NDE1: variants seen among roughly 807,000 people sequenced by gnomAD.
The protein encoded by NDE1 is nuclear distribution protein nudE homolog 1.
In NDE1, 28 loss-of-function variants were observed where a neutral mutation model predicts 43.4. That is an observed-to-expected ratio of 0.65 (90% CI 0.48 to 0.89). The LOEUF is 0.89. Ranked by LOEUF, NDE1 falls within the 40% of genes least tolerant of loss-of-function variation. The pLI is 0.00. For missense variants in NDE1, 441 were observed against 434.1 expected, an observed-to-expected ratio of 1.02 and a Z score of -0.14; for synonymous variants, 184 against 172.0, an observed-to-expected ratio of 1.07 and a Z score of -0.55.
chr16:15,687,647 G>A (rs531948569), intron 5 of NDE1, 136 bp downstream of exon 5: 2 of 872,756 alleles, frequency 2.3e-6, no homozygotes, highest in East Asian at 2.5e-5. Flanking sequence ...CTAATCAGAG[G>A]GTGTCGGACT....
chr16:15,714,505 G>C (rs1596693876), intron 8 of NDE1: 1 of 327,534 alleles, frequency 3.1e-6, no homozygotes, highest in South Asian at 3.2e-5. Context: ...CAGTGCTGAG[G>C]GGGAGAAAGG....
intron 8 of NDE1, chr16:15,704,248 A>C: frequency 9.4e-7 from 1 of 1,059,774 alleles, no homozygotes; most frequent in Non-Finnish European, 1.4e-6. Flanking sequence ...TTTATGGCAG[A>C]AAACACACAC....
intron 4 of NDE1, among the ~76,000 whole-genome samples, 160 bp downstream of exon 4, chr16:15,678,109 A>C (rs2037981460): frequency 6.6e-6 from 1 of 152,174 alleles, no homozygotes; most frequent in Admixed American, 6.6e-5. Flanking sequence ...GAAATGGACA[A>C]TAGTCGAAGA....
At chr16:15,703,690 G>T (rs2039303851) in intron 8 of NDE1, 1 of 457,108 alleles carries the variant, frequency 2.2e-6, no homozygotes, top group Admixed American at 3.4e-5. Flanking sequence ...CTGGGCTGGA[G>T]CGTTCTTCCT....
chr16:15,708,291 C>T (rs965518339), intron 8 of NDE1, among the ~76,000 whole-genome samples: 4 of 152,166 alleles, frequency 2.6e-5, no homozygotes, highest in East Asian at 1.9e-4. Context: ...CTGGTTGCCG[C>T]GCCGCAGTTA....
chr16:15,685,802 T>C (rs1156952458), intron 4 of NDE1, among the ~76,000 whole-genome samples: 2 of 152,136 alleles, frequency 1.3e-5, no homozygotes, highest in Non-Finnish European at 2.9e-5. Context: ...ACTCCTGGGT[T>C]CCTCTCCAAA....
intron 4 of NDE1, among the ~76,000 whole-genome samples, chr16:15,682,010 C>A (rs2038207161): frequency 6.6e-6 from 1 of 152,156 alleles, no homozygotes; most frequent in African/African-American, 2.4e-5. Context: ...AGCAATTAGC[C>A]AAGTGTTTTC....
At chr16:15,663,396 C>G (rs35038992) in intron 1 of NDE1, among the ~76,000 whole-genome samples, 2,935 of 151,828 alleles carry the variant, frequency 0.019, 78 homozygotes, top group African/African-American at 0.055. Flanking sequence ...CCCGCCACCA[C>G]GCCCAGCTAA....
At chr16:15,715,807 C>T (rs2040097983) in intron 8 of NDE1, among the ~76,000 whole-genome samples, 1 of 152,066 alleles carries the variant, frequency 6.6e-6, no homozygotes, top group Non-Finnish European at 1.5e-5. Flanking sequence ...CCAGCATGCT[C>T]AGACTTTTAA....
At chr16:15,716,817 T>C (rs993157900) in intron 8 of NDE1, among the ~76,000 whole-genome samples, 16 of 152,252 alleles carry the variant, frequency 1.1e-4, no homozygotes, top group Admixed American at 5.2e-4. Flanking sequence ...TCCAGCCTGG[T>C]TGGATTTTTG....
intron 8 of NDE1, chr16:15,721,120 T>C: frequency 1.3e-6 from 2 of 1,547,364 alleles, no homozygotes; most frequent in Admixed American, 3.4e-5. Context: ...AAACCCACCG[T>C]GAGCGGCACC....
chr16:15,668,501 G>T (rs1413940094), intron 3 of NDE1, among the ~76,000 whole-genome samples: 1 of 152,176 alleles, frequency 6.6e-6, no homozygotes. Context: ...CTGGACGCGA[G>T]CAGTCCTCCT....
chr16:15,709,226 G>A (rs2039642570), intron 8 of NDE1, among the ~76,000 whole-genome samples: 1 of 151,972 alleles, frequency 6.6e-6, no homozygotes. Flanking sequence ...GGGATTACAG[G>A]CATGAACCAC....
At chr16:15,723,315 C>G (rs1231427523) in intron 8 of NDE1, among the ~76,000 whole-genome samples, 1 of 152,006 alleles carries the variant, frequency 6.6e-6, no homozygotes, top group Non-Finnish European at 1.5e-5. Context: ...GAAATGTACC[C>G]AAGAGATAAG....
intron 7 of NDE1, 84 bp downstream of exon 7, chr16:15,694,340 C>T (rs758783138): frequency 1.3e-6 from 2 of 1,562,074 alleles, no homozygotes; most frequent in South Asian, 1.2e-5. Context: ...TTCCTTCCCT[C>T]TCTTCTTTTT....
At chr16:15,667,071 C>G (rs1696324903) in intron 2 of NDE1, among the ~76,000 whole-genome samples, 1 of 152,194 alleles carries the variant, frequency 6.6e-6, no homozygotes, top group South Asian at 2.1e-4. Context: ...CATGGTGAAA[C>G]CCCGTCACTA....
At chr16:15,719,002 C>T (rs2040321181) in intron 8 of NDE1, 1 of 601,580 alleles carries the variant, frequency 1.7e-6, no homozygotes, top group East Asian at 3.1e-5. Context: ...GTGGTACACA[C>T]CTGTAGTCTC....
intron 2 of NDE1, among the ~76,000 whole-genome samples, chr16:15,666,280 A>G (rs964538663): frequency 3.3e-5 from 5 of 152,080 alleles, no homozygotes; most frequent in Admixed American, 1.3e-4. Context: ...TAATTTGTAC[A>G]TAGAGGCCTT....
At chr16:15,655,040 A>G (rs1384519232) in intron 1 of NDE1, among the ~76,000 whole-genome samples, 3 of 151,894 alleles carry the variant, frequency 2.0e-5, no homozygotes, top group Non-Finnish European at 4.4e-5. Context: ...ATTTTTTGAG[A>G]CAGAGTCTTG....
Sources: allele counts gnomAD v4.1 joint callset (sites outside exome capture counted in the v4.1 genomes callset), GRCh38; gene constraint gnomAD v4.1.1; transcripts MANE v1.5; gene names NCBI Gene and HGNC (gene_info 2026-07-23, HGNC 2026-07-21).